Variants in FAIM observed in about 807,000 individuals in gnomAD.
FAIM encodes fas apoptotic inhibitory molecule 1.
In FAIM, 14 loss-of-function variants were observed where a neutral mutation model predicts 21.2. The ratio of observed to expected loss-of-function variants is 0.66; its 90% CI spans 0.44 to 1.03. The LOEUF is 1.03. Ranked by LOEUF, FAIM falls within the 50% of genes least tolerant of loss-of-function variation. The pLI is 0.00. For missense variants in FAIM, 222 were observed against 247.1 expected (o/e 0.90, Z 0.68); for synonymous variants, 86 against 80.4 (o/e 1.07, Z -0.37).
rs1472274557 is a variant in FAIM at position 138,633,030 on chromosome 3, TTCATACTC to T, written c.562_569del (p.Thr188CysfsTer3). ...AGTGGGAAGCGGAAAGAAGGGATTATTCATACTCTCATTGTGGATAATAGAGAAATCCC... is the reference window on the plus strand; with the variant it reads ...AGTGGGAAGCGGAAAGAAGGGATTATTCATTGTGGATAATAGAGAAATCCC... On this transcript the variant is annotated frameshift_variant, in exon 6 of 6. Transcript: ENST00000360570. LOFTEE classifies it high-confidence loss of function. 1 of 1,613,892 alleles carries T rather than the reference TTCATACTC, an allele frequency of 6.2e-7. No individual in the cohort carries two copies.
intron 2 of FAIM, 143 bp downstream of exon 2, chr3:138,619,913 A>C (rs2042866205): frequency 1.3e-6 from 1 of 778,368 alleles, no homozygotes; most frequent in African/African-American, 1.8e-5. Flanking sequence ...GTGTGATTTA[A>C]AGCAGGAGTA....
intron 4 of FAIM, among the ~76,000 whole-genome samples, chr3:138,625,730 A>C (rs1487910819): frequency 2.0e-5 from 3 of 152,220 alleles, no homozygotes; most frequent in Non-Finnish European, 4.4e-5. Flanking sequence ...ACTTTATATA[A>C]TTATTTCTAA....
chr3:138,625,452 G>A (rs1299073965), intron 4 of FAIM, among the ~76,000 whole-genome samples: 1 of 137,566 alleles, frequency 7.3e-6, no homozygotes, highest in Non-Finnish European at 1.5e-5. Context: ...GACCAAGCAA[G>A]ACTCTGTCTC....
intron 5 of FAIM, chr3:138,629,848 A>G (rs1285902505): frequency 6.6e-6 from 1 of 152,144 alleles, no homozygotes; most frequent in African/African-American, 2.4e-5. Flanking sequence ...CCCCATCTAG[A>G]TAGACTCCAG....
chr3:138,629,644 A>T (rs888212600), intron 5 of FAIM: 3 of 152,322 alleles, frequency 2.0e-5, no homozygotes, highest in African/African-American at 7.2e-5. Context: ...TACACCATAC[A>T]CTCAAAGCAG....
intron 5 of FAIM, chr3:138,629,977 A>C (rs1382862234): frequency 2.0e-5 from 3 of 152,088 alleles, no homozygotes; most frequent in Admixed American, 1.3e-4. Flanking sequence ...GAGAGTGGGA[A>C]ACAGAAAGTG....
intron 1 of FAIM, chr3:138,610,857 A>G (rs186303917): frequency 1.2e-4 from 116 of 936,008 alleles, no homozygotes; most frequent in Admixed American, 7.2e-4. Flanking sequence ...TGCTGGGATT[A>G]CGGGGTGTGA....
intron 1 of FAIM, among the ~76,000 whole-genome samples, chr3:138,612,154 G>A (rs1238905628): frequency 7.2e-6 from 1 of 139,844 alleles, no homozygotes; most frequent in African/African-American, 2.7e-5. Flanking sequence ...AGGCTGGAGT[G>A]CAGTGGTGCG....
chr3:138,629,072 AATT>A, intron 4 of FAIM, 32 bp from the exon 5 acceptor site: 1 of 1,500,370 alleles, frequency 6.7e-7, no homozygotes, highest in Non-Finnish European at 9.2e-7. Flanking sequence ...TAAATCACAG[AATT>A]ATAACTTAAA....
In FAIM at chr3:138,633,300, T is replaced by C; in HGVS notation, c.*221T>C. 3.1e-6 allele frequency: 1 copy of C among 325,650 alleles called. No homozygotes were observed. The highest frequency in any genetic ancestry group is 5.6e-6 in the Non-Finnish European group (1 of 179,434). The allele number at this position is 325,650 out of a possible 1,614,324, so 20.2% of individuals were successfully genotyped here. A position where few individuals can be genotyped will look rare whatever the true frequency, so the allele number is the denominator to read the frequency against. On this transcript the variant is annotated 3_prime_UTR_variant, in exon 6 of 6. Coordinates refer to ENST00000360570, the MANE Select transcript of FAIM (RefSeq NM_001033031.2). ...TAATGTAAAATGTTTTAAAGACAAA[T>C]GGCAAATAAGATATGGACCAAAGTC... is the stretch of plus-strand genomic sequence containing the variant.
intron 4 of FAIM, among the ~76,000 whole-genome samples, chr3:138,623,053 AG>A (rs1167658457): frequency 1.3e-5 from 2 of 151,940 alleles, no homozygotes; most frequent in East Asian, 3.9e-4. Flanking sequence ...AAAAAAAAAA[AG>A]TAATATTGAT....
intron 1 of FAIM, among the ~76,000 whole-genome samples, chr3:138,618,146 TG>T (rs11331101): frequency 0.47 from 70,499 of 151,022 alleles, 18,599 homozygotes; most frequent in South Asian, 0.63. Flanking sequence ...CATGCCTGGC[TG>T]GCTTATTATA....
rs781452484 is a variant in FAIM at position 138,633,014 on chromosome 3, C to T, written c.541C>T (p.Arg181Trp). Residue 181 changes from arginine to tryptophan, a missense_variant, in exon 6 of 6, where the codon CGG (arginine) becomes TGG (tryptophan). By Grantham distance (101) the Arg-to-Trp change is moderately radical. Coordinates refer to ENST00000360570, the MANE Select transcript of FAIM (RefSeq NM_001033031.2). ...CATAAAGGCTGTCAGTAGTGGGAAGCGGAAAGAAGGGATTATTCATACTCT... is the reference window on the plus strand; with the variant it reads ...CATAAAGGCTGTCAGTAGTGGGAAGTGGAAAGAAGGGATTATTCATACTCT... ...CYIKAVSSGK[R>W]KEGIIHTLIV... The T allele has an allele frequency of 3.7e-5, 59 of 1,613,264 alleles. No homozygotes were observed. Among genetic ancestry groups the T allele is most frequent in the East Asian group, 2.9e-4 (13 of 44,806 alleles).
At chr3:138,619,142 C>T (rs2042858336) in intron 1 of FAIM, among the ~76,000 whole-genome samples, 1 of 152,208 alleles carries the variant, frequency 6.6e-6, no homozygotes, top group East Asian at 1.9e-4. Context: ...ACCAGCATAT[C>T]CCTGTCTGCT....
At chr3:138,609,371 C>T (rs903255709) in intron 1 of FAIM, among the ~76,000 whole-genome samples, 3 of 151,918 alleles carry the variant, frequency 2.0e-5, no homozygotes, top group African/African-American at 7.3e-5. Flanking sequence ...TTCTCACTGT[C>T]GAAAACGTGG....
intron 4 of FAIM, among the ~76,000 whole-genome samples, chr3:138,626,472 C>T (rs1305259789): frequency 6.6e-6 from 1 of 152,170 alleles, no homozygotes; most frequent in East Asian, 1.9e-4. Context: ...AAGCATCTTG[C>T]TTTATTCACT....
chr3:138,628,471 T>TTATTTA (rs1451808622), intron 4 of FAIM, among the ~76,000 whole-genome samples: 4 of 150,556 alleles, frequency 2.7e-5, no homozygotes, highest in African/African-American at 9.9e-5. Context: ...TCTTTTTTAT[T>TTATTTA]TATTTATTTA....
Position 138,633,048 on chromosome 3 carries a change from A to ATAAT in FAIM, c.576_579dup (p.Arg194Ter). On this transcript the variant is annotated frameshift_variant, in exon 6 of 6. Coordinates refer to ENST00000360570, the MANE Select transcript of FAIM (RefSeq NM_001033031.2). LOFTEE classifies it high-confidence loss of function. Reference sequence around the variant, plus strand: ...GGGATTATTCATACTCTCATTGTGGATAATAGAGAAATCCCAGAGATTGCA... The same window carrying ATAAT: ...GGGATTATTCATACTCTCATTGTGGATAATTAATAGAGAAATCCCAGAGATTGCA... The ATAAT allele has an allele frequency of 1.2e-6, 2 of 1,613,372 alleles. No individual in the cohort carries two copies. The highest frequency in any genetic ancestry group is 1.7e-6 in the Non-Finnish European group (2 of 1,179,730).
In FAIM at chr3:138,626,149, G is replaced by A. The variant is rs540568673; in HGVS notation, c.407-2958G>A. 3.9e-5 allele frequency among the ~76,000 whole-genome samples: 6 copies of A among 152,290 alleles called. No homozygotes were observed. The East Asian group carries it at 9.6e-4, about 24-fold the overall frequency. On this transcript the variant is annotated intron_variant, in intron 4 of 5. Transcript: ENST00000360570. Reference sequence around the variant, plus strand: ...ATTGTTCATGCGGCTGAGGGAATCCGCAGGCAAAGAGGAGATGCTCCAAGA... The same window carrying A: ...ATTGTTCATGCGGCTGAGGGAATCCACAGGCAAAGAGGAGATGCTCCAAGA...
Sources: allele counts gnomAD v4.1 joint callset (sites outside exome capture counted in the v4.1 genomes callset), GRCh38; gene constraint gnomAD v4.1.1; transcripts MANE v1.5; gene names NCBI Gene and HGNC (gene_info 2026-07-23, HGNC 2026-07-21).